Variants in C1orf174 observed in about 807,000 individuals in gnomAD.
The protein encoded by C1orf174 is UPF0688 protein C1orf174.
C1orf174 carries 13 observed loss-of-function variants against 18.4 expected under a neutral mutation model. The ratio of observed to expected loss-of-function variants is 0.71; its 90% confidence interval spans 0.46 to 1.12. The LOEUF (loss-of-function observed/expected upper bound fraction) is 1.12. Among genes scored for constraint, C1orf174 ranks in the 50% most tolerant of loss-of-function variants. The pLI is 0.00. For missense variants in C1orf174, 309 were observed against 308.0 expected, an observed-to-expected ratio of 1.00 and a Z score of -0.02; for synonymous variants, 100 against 118.3, an observed-to-expected ratio of 0.85 and a Z score of 1.01.
intron 1 of C1orf174, among the ~76,000 whole-genome samples, chr1:3,893,458 TTTAATA>T (rs755343757): frequency 1.8e-4 from 28 of 152,214 alleles, no homozygotes; most frequent in Non-Finnish European, 3.4e-4. Context: ...TCTCACAAAT[TTTAATA>T]TTAACAAACT....
In C1orf174 at chr1:3,890,768, G is replaced by A. The variant is rs572700496; in HGVS notation, c.419C>T (p.Ser140Phe). 7.4e-4 allele frequency: 1,195 copies of A among 1,614,022 alleles called. 17 individuals are homozygous for A. In the South Asian group the frequency reaches 0.013, roughly 17 times the overall value. ...SRLAKTRDGL[S>F]VPKHSAGSGA... ...GGACCCGGCACTGTGTTTTGGCACG[G>A]ACAGGCCATCTCTAGTCTTTGCTAA... The change falls in exon 3 of 4, where the codon TCC (serine) becomes TTC (phenylalanine). Residue 140 changes from serine to phenylalanine, a missense_variant. Coordinates refer to ENST00000361605, the MANE Select transcript of C1orf174 (RefSeq NM_207356.3).
chr1:3,898,650 C>G (rs952303884), intron 1 of C1orf174, among the ~76,000 whole-genome samples: 1 of 152,176 alleles, frequency 6.6e-6, no homozygotes, highest in African/African-American at 2.4e-5. Flanking sequence ...AAAAACAGCA[C>G]CAGTAAAGGT....
At chr1:3,899,137 G>C (rs1275075282) in intron 1 of C1orf174, among the ~76,000 whole-genome samples, 1 of 152,148 alleles carries the variant, frequency 6.6e-6, no homozygotes, top group Admixed American at 6.5e-5. Flanking sequence ...GGAAGAAAAA[G>C]ACAGACTTGT....
chr1:3,892,808 C>G, intron 2 of C1orf174, 75 bp downstream of exon 2: 1 of 1,556,724 alleles, frequency 6.4e-7, no homozygotes. Context: ...AGCAACACAT[C>G]TTGGAGTGGC....
chr1:3,896,854 G>A (rs911101150), intron 1 of C1orf174, among the ~76,000 whole-genome samples: 1 of 152,196 alleles, frequency 6.6e-6, no homozygotes, highest in Non-Finnish European at 1.5e-5. Flanking sequence ...TGGCATTAGC[G>A]AAGTTCAACA....
rs185120970 is a variant in C1orf174 at position 3,891,749 on chromosome 1, C to T, written c.130-692G>A. 353 of 985,928 alleles carry T rather than the reference C, an allele frequency of 3.6e-4. No homozygotes were observed. In the African/African-American group the frequency reaches 5.2e-3, roughly 15 times the overall value. The allele number at this position is 985,928 out of a possible 1,614,324, so 61.1% of individuals were successfully genotyped here. A position where few individuals can be genotyped will look rare whatever the true frequency, so the allele number is the denominator to read the frequency against. ...TCAAGCCTCTGGCGGTGAGGCTGCA[C>T]GGCAATGGGCCAGCATGACTCCATA... On this transcript the variant is annotated intron_variant, in intron 2 of 3. Coordinates refer to ENST00000361605, the MANE Select transcript of C1orf174 (RefSeq NM_207356.3).
intron 1 of C1orf174, among the ~76,000 whole-genome samples, chr1:3,894,602 G>A (rs376030405): frequency 1.9e-4 from 16 of 86,486 alleles, no homozygotes; most frequent in African/African-American, 3.1e-4. Context: ...GCAAGACTCC[G>A]TCTCAAAAAA....
In C1orf174 at chr1:3,890,823, C is replaced by T. The variant is rs374258021; in HGVS notation, c.364G>A (p.Gly122Ser). 5.1e-5 allele frequency: 82 copies of T among 1,613,252 alleles called. No homozygotes were observed. Among genetic ancestry groups the T allele is most frequent in the Non-Finnish European group, 6.1e-5 (72 of 1,180,036 alleles). ...VQQGAASLPL[G>S]GCRVVSDSRL... ...GAGTCACTCACAACTCTGCAGCCAC[C>T]GAGAGGAAGACTTGCAGCCCCCTGC... The change falls in exon 3 of 4, where the codon GGT becomes AGT. Residue 122 changes from glycine (G) to serine (S), a missense_variant. Coordinates refer to ENST00000361605, the MANE Select transcript of C1orf174 (RefSeq NM_207356.3).
chr1:3,889,598 G>C lies in C1orf174; in HGVS notation c.*362C>G, dbSNP rs888698859. The C allele has an allele frequency of 1.6e-5, 3 of 193,134 alleles. No individual in the cohort carries two copies. Among genetic ancestry groups the C allele is most frequent in the African/African-American group, 7.0e-5 (3 of 42,620 alleles). 12.0% of individuals were successfully genotyped at this position (193,134 alleles called of 1,614,324 possible). ...TAATCCCAGCTACTCAGGAGGCTGA[G>C]GCAGGAGAATCACTTGAACCCAGGA... On this transcript the variant is annotated 3_prime_UTR_variant, in exon 4 of 4. Coordinates refer to ENST00000361605, the MANE Select transcript of C1orf174 (RefSeq NM_207356.3).
intron 3 of C1orf174, 40 bp from the exon 4 acceptor site, chr1:3,890,113 A>G: frequency 6.7e-7 from 1 of 1,490,134 alleles, no homozygotes; most frequent in East Asian, 2.3e-5. Context: ...CATGAGCAAT[A>G]CATATCTGCA....
intron 3 of C1orf174, 104 bp downstream of exon 3, chr1:3,890,465 T>C (rs1376535508): frequency 2.1e-6 from 3 of 1,447,328 alleles, no homozygotes; most frequent in East Asian, 2.3e-5. Flanking sequence ...TTATGTTTAA[T>C]GTTGTGTCGA....
At chr1:3,894,926 A>G (rs1428206193) in intron 1 of C1orf174, among the ~76,000 whole-genome samples, 1 of 152,226 alleles carries the variant, frequency 6.6e-6, no homozygotes, top group Non-Finnish European at 1.5e-5. Flanking sequence ...TCACAGTTAC[A>G]CCAAGGGGAC....
At chr1:3,891,519 A>C in intron 2 of C1orf174, 6 of 914,030 alleles carry the variant, frequency 6.6e-6, no homozygotes, top group Non-Finnish European at 7.9e-6. Flanking sequence ...GACTTCGACA[A>C]AATTTTACCA....
At chr1:3,895,536 C>G (rs1638591216) in intron 1 of C1orf174, 2 of 111,690 alleles carry the variant, frequency 1.8e-5, no homozygotes, top group African/African-American at 6.6e-5. Context: ...TGGCTGTTAA[C>G]AGACACCTGA....
At position 3,900,263 on chromosome 1, in the gene C1orf174, A is replaced by T. The variant is rs1032332255; in HGVS notation, c.-77T>A. ...CGGAGCGGCGACCCGGAGTCTGCAG[A>T]GCGCGCCGCGGCGGCGTCCGACGTC... On this transcript the variant is annotated 5_prime_UTR_variant, in exon 1 of 4. Transcript: ENST00000361605. 1.5e-5 allele frequency: 21 copies of T among 1,435,312 alleles called. No homozygotes were observed. The African/African-American group carries it at 3.2e-4, about 22-fold the overall frequency. The allele number at this position is 1,435,312 out of a possible 1,614,324, so 88.9% of individuals were successfully genotyped here.
At position 3,900,182 on chromosome 1, in the gene C1orf174, C is replaced by T; in HGVS notation, c.5G>A (p.Arg2Lys). 6.3e-7 allele frequency: 1 copy of T among 1,587,024 alleles called. No individual in the cohort carries two copies. The highest frequency in any genetic ancestry group is 2.3e-5 in the East Asian group (1 of 43,054). M[R>K]SRKLTGAVRS... ...GGACCCAGCCCTCACCTTCCGGCTC[C>T]TCATGAGTGTGAGCACCGCAGCCAA... Residue 2 changes from arginine to lysine, a missense_variant, in exon 1 of 4, where the codon AGG (arginine) becomes AAG (lysine). By Grantham distance (26) the Arg-to-Lys change is conservative. Coordinates refer to ENST00000361605, the MANE Select transcript of C1orf174 (RefSeq NM_207356.3).
At chr1:3,895,194 T>G (rs1419938081) in intron 1 of C1orf174, 1 of 152,136 alleles carries the variant, frequency 6.6e-6, no homozygotes, top group Non-Finnish European at 1.5e-5. Flanking sequence ...TTTAAAGGAG[T>G]GGCACACCCA....
chr1:3,899,813 C>G (rs1168252447), intron 1 of C1orf174, among the ~76,000 whole-genome samples: 1 of 152,016 alleles, frequency 6.6e-6, no homozygotes, highest in Non-Finnish European at 1.5e-5. Flanking sequence ...GACCGGAGCC[C>G]CCCTTCTCCC....
At position 3,900,198 on chromosome 1, in the gene C1orf174, C is replaced by A; in HGVS notation, c.-12G>T. 1 of 1,581,940 alleles carries A rather than the reference C, an allele frequency of 6.3e-7. No individual in the cohort carries two copies. The highest frequency in any genetic ancestry group is 1.1e-5 in the South Asian group (1 of 89,348). On this transcript the variant is annotated 5_prime_UTR_variant, in exon 1 of 4. Coordinates refer to ENST00000361605, the MANE Select transcript of C1orf174 (RefSeq NM_207356.3). ...TTCCGGCTCCTCATGAGTGTGAGCA[C>A]CGCAGCCAAGCACCGCGCGCCCCGG...
Sources: allele counts gnomAD v4.1 joint callset (sites outside exome capture counted in the v4.1 genomes callset), GRCh38; gene constraint gnomAD v4.1.1; transcripts MANE v1.5; gene names NCBI Gene and HGNC (gene_info 2026-07-23, HGNC 2026-07-21).